Variants in KALRN observed in about 807,000 individuals in gnomAD.
The protein encoded by KALRN is kalirin RhoGEF kinase.
KALRN carries 70 observed loss-of-function variants against 353.7 expected under a neutral mutation model. The ratio of observed to expected loss-of-function variants is 0.20; its 90% CI spans 0.16 to 0.24. The LOEUF is 0.24. KALRN is among the 10% of genes least tolerant of loss of function. The pLI is 1.00. For synonymous variants in KALRN, 1,391 were observed against 1,434.8 expected, an observed-to-expected ratio of 0.97 and a Z score of 0.69; for missense variants, 2,791 against 3,756.7, an observed-to-expected ratio of 0.74 and a Z score of 6.72.
intron 33 of KALRN, among the ~76,000 whole-genome samples, chr3:124,527,406 G>A (rs942085397): frequency 6.6e-6 from 1 of 151,930 alleles, no homozygotes; most frequent in South Asian, 2.1e-4. Context: ...CCAGGAGATC[G>A]AGACCATCCT....
At chr3:124,517,116 G>A (rs913033798) in intron 33 of KALRN, among the ~76,000 whole-genome samples, 1 of 152,086 alleles carries the variant, frequency 6.6e-6, no homozygotes, top group Non-Finnish European at 1.5e-5. Context: ...ATGCCCGGCC[G>A]TGATTTAAAA....
Position 124,073,135 on chromosome 3 carries a change from C to T in KALRN, c.73+39322C>T, listed in dbSNP as rs182350916. On this transcript the variant is annotated intron_variant, in intron 1 of 59. Coordinates refer to ENST00000682506, the MANE Select transcript of KALRN (RefSeq NM_001388419.1). The stretch of plus-strand genomic sequence containing the variant: ...AGTTGTGGTTCGTTGTTACTTTTGG[C>T]ACTCAAGATATGGAGTTTCTGGCTT... 9.8e-5 allele frequency among the ~76,000 whole-genome samples: 15 copies of T among 152,338 alleles called. No individual in the cohort carries two copies. The East Asian group carries it at 2.9e-3, about 29-fold the overall frequency.
intron 3 of KALRN, among the ~76,000 whole-genome samples, chr3:124,236,518 A>AG (rs554192764): frequency 6.6e-6 from 1 of 152,244 alleles, no homozygotes; most frequent in Non-Finnish European, 1.5e-5. Context: ...ATGAACTCTC[A>AG]GTTCTCTTAA....
chr3:124,276,272 G>T (rs2074712632), intron 5 of KALRN, among the ~76,000 whole-genome samples: 1 of 152,214 alleles, frequency 6.6e-6, no homozygotes, highest in African/African-American at 2.4e-5. Flanking sequence ...TGCTAAGGGT[G>T]ATGTGCTTAT....
At chr3:124,463,666 C>T (rs2060060274) in intron 25 of KALRN, among the ~76,000 whole-genome samples, 2 of 152,110 alleles carry the variant, frequency 1.3e-5, no homozygotes, top group South Asian at 4.2e-4. Flanking sequence ...CTGCCATATT[C>T]GATATCTCAG....
intron 6 of KALRN, among the ~76,000 whole-genome samples, chr3:124,300,853 G>A (rs948647636): frequency 1.3e-5 from 2 of 152,170 alleles, no homozygotes; most frequent in Admixed American, 6.5e-5. Flanking sequence ...TCATCTCAGT[G>A]TAAAGACTCA....
At chr3:124,583,574 T>A (rs933888169) in intron 34 of KALRN, among the ~76,000 whole-genome samples, 4 of 152,328 alleles carry the variant, frequency 2.6e-5, no homozygotes, top group African/African-American at 9.6e-5. Flanking sequence ...TCTGTAGGCA[T>A]TCATTCACCT....
chr3:124,404,669 T>C (rs2091307203), intron 13 of KALRN, among the ~76,000 whole-genome samples: 1 of 151,568 alleles, frequency 6.6e-6, no homozygotes, highest in African/African-American at 2.4e-5. Context: ...TTTTTTTTTT[T>C]TGCACAGTTC....
At chr3:124,072,363 G>A (rs1030596927) in intron 1 of KALRN, among the ~76,000 whole-genome samples, 2 of 152,144 alleles carry the variant, frequency 1.3e-5, no homozygotes, top group African/African-American at 4.8e-5. Flanking sequence ...CCTGAAAGTG[G>A]TCTCTTCCTG....
chr3:124,496,277 C>G, intron 32 of KALRN, 34 bp from the exon 33 acceptor site: 1 of 1,552,334 alleles, frequency 6.4e-7, no homozygotes, highest in Non-Finnish European at 8.9e-7. Context: ...TTCCCCCCAC[C>G]CCCACCCCTG....
intron 8 of KALRN, among the ~76,000 whole-genome samples, chr3:124,331,051 T>TTTAC (rs1459845197): frequency 6.6e-5 from 10 of 152,210 alleles, no homozygotes; most frequent in African/African-American, 2.4e-4. Flanking sequence ...GGCTCTCCTA[T>TTTAC]TTACTAGCTG....
intron 1 of KALRN, among the ~76,000 whole-genome samples, chr3:124,137,577 G>C (rs1209694006): frequency 6.6e-6 from 1 of 152,168 alleles, no homozygotes; most frequent in African/African-American, 2.4e-5. Context: ...CCAAGTGTGA[G>C]GGCTGGGACT....
chr3:124,038,117 T>C (rs760063983), intron 1 of KALRN, among the ~76,000 whole-genome samples: 4 of 151,936 alleles, frequency 2.6e-5, no homozygotes, highest in Admixed American at 6.6e-5. Flanking sequence ...GAAAGTTAGA[T>C]TTTGGGGTAG....
chr3:124,464,931 C>A (rs891747573), intron 25 of KALRN, among the ~76,000 whole-genome samples: 1 of 151,796 alleles, frequency 6.6e-6, no homozygotes, highest in East Asian at 1.9e-4. Context: ...TGTATCCCAC[C>A]ATAGGGCCCA....
chr3:124,380,922 G>A (rs2087273670), intron 10 of KALRN, among the ~76,000 whole-genome samples: 2 of 152,202 alleles, frequency 1.3e-5, no homozygotes, highest in South Asian at 4.1e-4. Context: ...ATTAACATTG[G>A]TGGAGGTTGA....
chr3:124,225,849 A>G (rs1230050547), intron 1 of KALRN, among the ~76,000 whole-genome samples: 1 of 152,224 alleles, frequency 6.6e-6, no homozygotes, highest in Non-Finnish European at 1.5e-5. Context: ...AAATAGGAAA[A>G]GAGTTTAGGA....
At chr3:124,471,166 G>GT (rs1387568645) in intron 25 of KALRN, among the ~76,000 whole-genome samples, 3 of 152,066 alleles carry the variant, frequency 2.0e-5, no homozygotes, top group African/African-American at 7.2e-5. Context: ...AAGAACTACT[G>GT]TTTATTTAGT....
intron 7 of KALRN, among the ~76,000 whole-genome samples, chr3:124,328,403 C>A (rs938970620): frequency 6.6e-6 from 1 of 152,112 alleles, no homozygotes; most frequent in African/African-American, 2.4e-5. Flanking sequence ...TTGAGGTGAT[C>A]GTTTTGTGGG....
intron 9 of KALRN, among the ~76,000 whole-genome samples, chr3:124,344,154 T>C (rs578003012): frequency 4.3e-4 from 66 of 152,340 alleles, no homozygotes; most frequent in African/African-American, 1.2e-3. Flanking sequence ...AAGGAGTACC[T>C]TGATGGGTGC....
Sources: allele counts gnomAD v4.1 joint callset (sites outside exome capture counted in the v4.1 genomes callset), GRCh38; gene constraint gnomAD v4.1.1; transcripts MANE v1.5; gene names NCBI Gene and HGNC (gene_info 2026-07-23, HGNC 2026-07-21).